SMYD3: variants seen among roughly 807,000 people sequenced by gnomAD.
The protein encoded by SMYD3 is histone-lysine N-methyltransferase SMYD3.
SMYD3 carries 36 observed loss-of-function variants against 57.7 expected under a neutral mutation model. The ratio of observed to expected loss-of-function variants is 0.62; its 90% CI spans 0.48 to 0.82. The LOEUF is 0.82. SMYD3 is among the 40% of genes least tolerant of loss of function. The pLI is 0.00. For synonymous variants in SMYD3, 211 were observed against 195.0 expected (o/e 1.08, Z -0.68); for missense variants, 515 against 538.8 (o/e 0.96, Z 0.44).
chr1:245,805,580 T>A (rs2048109905), intron 10 of SMYD3, among the ~76,000 whole-genome samples: 1 of 152,218 alleles, frequency 6.6e-6, no homozygotes, highest in Admixed American at 6.5e-5. Context: ...TTTGGGGAAA[T>A]AAAAGTTTAT....
chr1:245,852,322 A>G (rs1219262837), intron 10 of SMYD3, among the ~76,000 whole-genome samples: 2 of 151,566 alleles, frequency 1.3e-5, no homozygotes, highest in Non-Finnish European at 2.9e-5. Context: ...TCTCACACCA[A>G]CCAGTAGGTT....
intron 8 of SMYD3, among the ~76,000 whole-genome samples, chr1:245,877,897 G>A (rs551840864): frequency 5.9e-5 from 9 of 152,342 alleles, no homozygotes; most frequent in African/African-American, 2.2e-4. Context: ...TCAACGCCAC[G>A]CAGGTGGAAT....
At chr1:245,953,079 C>A (rs183770078) in intron 5 of SMYD3, among the ~76,000 whole-genome samples, 30 of 152,260 alleles carry the variant, frequency 2.0e-4, no homozygotes, top group Middle Eastern at 3.4e-3. Flanking sequence ...GGCATGTGAT[C>A]ATGAAATCCC....
intron 5 of SMYD3, among the ~76,000 whole-genome samples, chr1:245,952,714 T>A (rs2057699996): frequency 1.3e-5 from 2 of 152,164 alleles, no homozygotes; most frequent in South Asian, 4.1e-4. Context: ...AAAGTCAACA[T>A]AATATGTTTT....
chr1:246,289,287 T>C (rs1278595175), intron 5 of SMYD3, among the ~76,000 whole-genome samples: 2 of 152,238 alleles, frequency 1.3e-5, no homozygotes, highest in African/African-American at 2.4e-5. Flanking sequence ...CATTTGACTT[T>C]GTTACTTGCT....
At chr1:246,042,539 A>G (rs2059896592) in intron 5 of SMYD3, among the ~76,000 whole-genome samples, 1 of 152,182 alleles carries the variant, frequency 6.6e-6, no homozygotes, top group South Asian at 2.1e-4. Context: ...CTCTCCATGT[A>G]AGGACTTCGC....
chr1:245,796,980 G>A (rs893396273), intron 10 of SMYD3, among the ~76,000 whole-genome samples: 2 of 152,208 alleles, frequency 1.3e-5, no homozygotes, highest in Non-Finnish European at 2.9e-5. Flanking sequence ...AATTTGGAAG[G>A]ACAGGAGGAG....
intron 5 of SMYD3, among the ~76,000 whole-genome samples, chr1:245,935,117 A>C (rs566310892): frequency 1.3e-5 from 2 of 152,366 alleles, no homozygotes; most frequent in South Asian, 4.1e-4. Context: ...AGAAAGAGAC[A>C]ACCCACAGAG....
intron 5 of SMYD3, among the ~76,000 whole-genome samples, chr1:246,222,659 T>C (rs912381373): frequency 1.3e-5 from 2 of 152,154 alleles, no homozygotes; most frequent in African/African-American, 4.8e-5. Flanking sequence ...ATCATTACTC[T>C]TTTCACAAAG....
At chr1:246,273,819 G>A (rs758643705) in intron 5 of SMYD3, among the ~76,000 whole-genome samples, 5 of 151,100 alleles carry the variant, frequency 3.3e-5, no homozygotes, top group Non-Finnish European at 5.9e-5. Context: ...TCCTGGCCTC[G>A]TGGTCCACCG....
intron 5 of SMYD3, among the ~76,000 whole-genome samples, chr1:246,163,758 A>G (rs183295227): frequency 3.0e-4 from 46 of 152,364 alleles, no homozygotes; most frequent in African/African-American, 1.1e-3. Context: ...GGAAATCGGC[A>G]ATGATATGGA....
intron 5 of SMYD3, among the ~76,000 whole-genome samples, chr1:246,215,207 T>G (rs1342922464): frequency 6.6e-6 from 1 of 152,142 alleles, no homozygotes; most frequent in Non-Finnish European, 1.5e-5. Flanking sequence ...TAAAACAGTT[T>G]CGCAATCTCT....
intron 8 of SMYD3, among the ~76,000 whole-genome samples, chr1:245,878,213 G>C (rs553936759): frequency 7.8e-4 from 119 of 152,238 alleles, no homozygotes; most frequent in Admixed American, 2.0e-3. Context: ...TGACTCAAGG[G>C]GTTTCACAGA....
chr1:245,995,133 T>G (rs2058899452), intron 5 of SMYD3, among the ~76,000 whole-genome samples: 1 of 152,098 alleles, frequency 6.6e-6, no homozygotes, highest in Non-Finnish European at 1.5e-5. Flanking sequence ...AGAAATGGAA[T>G]GATTAAGACA....
intron 8 of SMYD3, among the ~76,000 whole-genome samples, chr1:245,889,776 G>C (rs1209966154): frequency 6.6e-6 from 1 of 152,150 alleles, no homozygotes; most frequent in African/African-American, 2.4e-5. Context: ...GTCCAGAATA[G>C]CCAAAGCCAT....
intron 10 of SMYD3, among the ~76,000 whole-genome samples, chr1:245,776,153 A>G (rs2046581735): frequency 6.6e-6 from 1 of 152,256 alleles, no homozygotes; most frequent in African/African-American, 2.4e-5. Context: ...TCTGTGACTT[A>G]TATATCCTTC....
intron 5 of SMYD3, among the ~76,000 whole-genome samples, chr1:246,055,267 C>T (rs1357533120): frequency 6.6e-6 from 1 of 152,036 alleles, no homozygotes; most frequent in East Asian, 1.9e-4. Flanking sequence ...AACGGTGCAG[C>T]TATTGTGGAA....
chr1:246,035,893 AT>A (rs2059765385), intron 5 of SMYD3, among the ~76,000 whole-genome samples: 1 of 152,232 alleles, frequency 6.6e-6, no homozygotes, highest in African/African-American at 2.4e-5. Context: ...CAAAATAAAT[AT>A]TCTAAAGATG....
chr1:245,787,942 T>C (rs991515479), intron 10 of SMYD3, among the ~76,000 whole-genome samples: 5 of 152,206 alleles, frequency 3.3e-5, no homozygotes, highest in Non-Finnish European at 5.9e-5. Flanking sequence ...ATGCTCAACC[T>C]TGCTGCTGAA....
Sources: allele counts gnomAD v4.1 joint callset (sites outside exome capture counted in the v4.1 genomes callset), GRCh38; gene constraint gnomAD v4.1.1; transcripts MANE v1.5; gene names NCBI Gene and HGNC (gene_info 2026-07-23, HGNC 2026-07-21).